The following DPP10 variants were observed in gnomAD, a reference collection of about 807,000 sequenced individuals.
The protein encoded by DPP10 is inactive dipeptidyl peptidase 10.
Under a neutral mutation model 120.9 loss-of-function variants are expected in DPP10, and 33 were observed. The ratio of observed to expected loss-of-function variants is 0.27; its 90% CI spans 0.21 to 0.37. The LOEUF is 0.37. DPP10 is among the 10% of genes least tolerant of loss of function. DPP10 has a pLI of 1.00. For synonymous variants in DPP10, 337 were observed against 326.1 expected (o/e 1.03, Z -0.36); for missense variants, 816 against 942.8 (o/e 0.87, Z 1.76).
chr2:114,832,421 G>C (rs1687221266), intron 1 of DPP10, among the ~76,000 whole-genome samples: 1 of 152,204 alleles, frequency 6.6e-6, no homozygotes, highest in African/African-American at 2.4e-5. Flanking sequence ...TGTAGTCCCA[G>C]CTACTCAGGA....
chr2:115,400,478 TA>T lies in DPP10; in HGVS notation c.271+56580del, dbSNP rs35721835. 5.6e-3 allele frequency among the ~76,000 whole-genome samples: 817 copies of T among 147,006 alleles called. 8 individuals are homozygous for T. Among genetic ancestry groups the T allele is most frequent in the African/African-American group, 0.017 (686 of 39,670 alleles). ...TACAATCATGATATCTACCCATAAG[TA>T]AAAAAAAAAAAAATCTTCAGTTCAA... On this transcript the variant is annotated intron_variant, in intron 3 of 25. Transcript: ENST00000410059.
chr2:115,771,715 G>T (rs1157016876), intron 13 of DPP10, among the ~76,000 whole-genome samples: 1 of 152,128 alleles, frequency 6.6e-6, no homozygotes, highest in Non-Finnish European at 1.5e-5. Context: ...TGAAAAGTGA[G>T]AAATGACAGG....
rs2104650567 is a variant in DPP10, at chr2:114,520,381, G to A, written c.60+77543G>A. ...TCAATTTGGACATAATGCATTCCTA[G>A]AGACTGCTTCATAAAGGATATTGCT... On this transcript the variant is annotated intron_variant, in intron 1 of 25. Coordinates refer to ENST00000410059, the MANE Select transcript of DPP10 (RefSeq NM_020868.6). 1.3e-5 allele frequency among the ~76,000 whole-genome samples: 2 copies of A among 152,296 alleles called. 1 individual carries two copies. Among genetic ancestry groups the A allele is most frequent in the Admixed American group, 1.3e-4 (2 of 15,300 alleles).
intron 1 of DPP10, among the ~76,000 whole-genome samples, chr2:114,559,057 T>A (rs974895665): frequency 4.6e-5 from 7 of 152,122 alleles, no homozygotes; most frequent in Non-Finnish European, 8.8e-5. Context: ...TTCAAGTACA[T>A]CCCCATGTCC....
chr2:115,463,807 G>A (rs1258423505), intron 3 of DPP10, among the ~76,000 whole-genome samples: 1 of 152,134 alleles, frequency 6.6e-6, no homozygotes, highest in Non-Finnish European at 1.5e-5. Flanking sequence ...TCTGAGGGAA[G>A]GGTTGACTTC....
intron 1 of DPP10, among the ~76,000 whole-genome samples, chr2:115,302,640 C>T (rs888071434): frequency 2.0e-5 from 3 of 151,728 alleles, no homozygotes; most frequent in Non-Finnish European, 2.9e-5. Flanking sequence ...ATAAATAAAA[C>T]AAACAAAAAA....
chr2:114,822,140 G>A (rs1282285035), intron 1 of DPP10, among the ~76,000 whole-genome samples: 1 of 152,108 alleles, frequency 6.6e-6, no homozygotes, highest in Non-Finnish European at 1.5e-5. Context: ...CTTTGCCCCT[G>A]CAGCAGACTT....
intron 1 of DPP10, among the ~76,000 whole-genome samples, chr2:115,191,028 A>G (rs1163996338): frequency 6.6e-6 from 1 of 152,164 alleles, no homozygotes; most frequent in East Asian, 1.9e-4. Flanking sequence ...GCAATGAAGC[A>G]CATTTCAAAG....
intron 5 of DPP10, among the ~76,000 whole-genome samples, chr2:115,620,577 T>C (rs2084872098): frequency 6.6e-6 from 1 of 152,202 alleles, no homozygotes; most frequent in Admixed American, 6.5e-5. Context: ...ACAGTTCTGG[T>C]TGTGTTGATG....
chr2:115,415,997 A>G (rs1244858284), intron 3 of DPP10, among the ~76,000 whole-genome samples: 3 of 151,834 alleles, frequency 2.0e-5, no homozygotes, highest in Admixed American at 6.6e-5. Flanking sequence ...TAGAACTCCA[A>G]AAATAATCAG....
intron 3 of DPP10, among the ~76,000 whole-genome samples, chr2:115,434,644 ATATT>A (rs2104806389): frequency 6.6e-6 from 1 of 151,758 alleles, no homozygotes; most frequent in African/African-American, 2.4e-5. Flanking sequence ...AGTAATTGGG[ATATT>A]TATCACCTCA....
chr2:114,824,963 A>G (rs1459016981), intron 1 of DPP10, among the ~76,000 whole-genome samples: 1 of 152,208 alleles, frequency 6.6e-6, no homozygotes, highest in Non-Finnish European at 1.5e-5. Context: ...AGCAAACAGG[A>G]GAGTAGGCTT....
intron 1 of DPP10, among the ~76,000 whole-genome samples, chr2:114,511,234 A>T (rs1254298972): frequency 6.6e-6 from 1 of 152,272 alleles, no homozygotes; most frequent in Non-Finnish European, 1.5e-5. Context: ...ATTAGTTGAT[A>T]GCTTTTTATA....
chr2:114,740,637 C>T (rs1272751174), intron 1 of DPP10, among the ~76,000 whole-genome samples: 1 of 152,128 alleles, frequency 6.6e-6, no homozygotes, highest in Non-Finnish European at 1.5e-5. Context: ...GGGCTATCCC[C>T]TTCCAATAAG....
chr2:115,511,727 TCTTC>T (rs369675236), intron 4 of DPP10, among the ~76,000 whole-genome samples: 1,776 of 115,716 alleles, frequency 0.015, 82 homozygotes, highest in African/African-American at 0.059. Context: ...TTCTTCTTCT[TCTTC>T]TTTTTTTTTT....
At chr2:114,490,939 AT>A (rs1217327515) in intron 1 of DPP10, among the ~76,000 whole-genome samples, 1 of 152,158 alleles carries the variant, frequency 6.6e-6, no homozygotes, top group Non-Finnish European at 1.5e-5. Context: ...GGGTTTAAAG[AT>A]GTAGTTGAAT....
intron 1 of DPP10, among the ~76,000 whole-genome samples, chr2:115,028,512 G>A (rs1392013204): frequency 1.3e-5 from 2 of 152,008 alleles, no homozygotes; most frequent in African/African-American, 4.8e-5. Context: ...CTGATACATG[G>A]TCTATCCTGG....
At chr2:115,239,370 T>C (rs766416363) in intron 1 of DPP10, among the ~76,000 whole-genome samples, 1 of 152,000 alleles carries the variant, frequency 6.6e-6, no homozygotes, top group Non-Finnish European at 1.5e-5. Flanking sequence ...AAATCCATCG[T>C]CTTAATTTTT....
At chr2:115,194,406 C>T (rs529162796) in intron 1 of DPP10, among the ~76,000 whole-genome samples, 26 of 152,208 alleles carry the variant, frequency 1.7e-4, no homozygotes, top group African/African-American at 6.0e-4. Context: ...GCATTTCCAG[C>T]AGAGACGGGA....
Sources: allele counts gnomAD v4.1 joint callset (sites outside exome capture counted in the v4.1 genomes callset), GRCh38; gene constraint gnomAD v4.1.1; transcripts MANE v1.5; gene names NCBI Gene and HGNC (gene_info 2026-07-23, HGNC 2026-07-21).